The following ACACA variants were observed in gnomAD, a reference collection of about 807,000 sequenced individuals.
The protein encoded by ACACA is acetyl-CoA carboxylase alpha, also known as acetyl-CoA carboxylase 1.
Under a neutral mutation model 296.1 loss-of-function variants are expected in ACACA, and 103 were observed. The ratio of observed to expected loss-of-function variants is 0.35; its 90% confidence interval spans 0.30 to 0.41. The LOEUF (loss-of-function observed/expected upper bound fraction) is 0.41. ACACA is among the 10% of genes least tolerant of loss of function. The pLI, the probability that ACACA is intolerant of heterozygous loss-of-function variation, is 1.00. For missense variants in ACACA, 1,554 were observed against 2,989.7 expected (o/e 0.52, Z 11.20); for synonymous variants, 953 against 1,038.6 (o/e 0.92, Z 1.58).
Position 37,111,527 on chromosome 17 carries a change from A to G in ACACA, c.6565+4T>C, listed in dbSNP as rs2073971450. On this transcript the variant is annotated splice_donor_region_variant and intron_variant, in intron 52 of 55. Coordinates refer to ENST00000616317, the MANE Select transcript of ACACA (RefSeq NM_198834.3). ...TGATTTGCCAGAAGGACAAGCAGACATACCCAATCGCTCAGCCAAGTGGAT... is the reference window on the plus strand; with the variant it reads ...TGATTTGCCAGAAGGACAAGCAGACGTACCCAATCGCTCAGCCAAGTGGAT... 1 of 1,609,290 alleles carries G rather than the reference A, an allele frequency of 6.2e-7. No individual in the cohort carries two copies. Among genetic ancestry groups the G allele is most frequent in the Non-Finnish European group, 8.5e-7 (1 of 1,175,672 alleles).
chr17:37,107,715 G>A (rs368939960), intron 52 of ACACA, among the ~76,000 whole-genome samples: 3 of 152,366 alleles, frequency 2.0e-5, no homozygotes, highest in South Asian at 2.1e-4. Flanking sequence ...TCCCCTAAGC[G>A]GCTCCTTTGC....
At chr17:37,265,594 C>G (rs2081727523) in intron 10 of ACACA, among the ~76,000 whole-genome samples, 1 of 152,174 alleles carries the variant, frequency 6.6e-6, no homozygotes. Context: ...AATGAGACTG[C>G]TGTTCAAAGA....
chr17:37,280,763 C>A (rs910215029), intron 5 of ACACA, among the ~76,000 whole-genome samples: 9 of 94,982 alleles, frequency 9.5e-5, no homozygotes, highest in African/African-American at 3.9e-4. Flanking sequence ...ACACACACAC[C>A]CCAAAAAACA....
In ACACA at chr17:37,248,097, T is replaced by C; in HGVS notation, c.2223A>G (p.Val741=). Residue 741 remains valine, a synonymous_variant, in exon 18 of 56, where the codon GTA becomes GTG. Transcript: ENST00000616317. ...CACCGTCACTCAGCCGATGTACATC[T>C]ACTTCTACACATGAGCCATTCATGA... is the stretch of plus-strand genomic sequence containing the variant. ...VVIMNGSCVE[V]DVHRLSDGGL... 1 of 1,614,208 alleles carries C rather than the reference T, an allele frequency of 6.2e-7. No homozygotes were observed. The highest frequency in any genetic ancestry group is 8.5e-7 in the Non-Finnish European group (1 of 1,180,030).
At chr17:37,201,975 AAAT>A (rs1268895211) in intron 33 of ACACA, among the ~76,000 whole-genome samples, 1 of 152,360 alleles carries the variant, frequency 6.6e-6, no homozygotes, top group East Asian at 1.9e-4. Context: ...GCAAATAATA[AAAT>A]AATAAATTAT....
At chr17:37,381,434 C>A (rs1172659765) in intron 1 of ACACA, among the ~76,000 whole-genome samples, 1 of 151,920 alleles carries the variant, frequency 6.6e-6, no homozygotes, top group African/African-American at 2.4e-5. Context: ...GTTTCACCCA[C>A]CTCAGCCTCC....
rs192732549 is a variant in ACACA, at chr17:37,355,749, T to A, written c.39-15899A>T. ...GGCACATGCCTGTAATCCCAGCTAC[T>A]CGAGGGGCTGAGGCAGGAGAATCGC... On this transcript the variant is annotated intron_variant, in intron 1 of 55. Transcript: ENST00000616317. 2.8e-3 allele frequency among the ~76,000 whole-genome samples: 419 copies of A among 147,304 alleles called. 5 individuals carry two copies. Among genetic ancestry groups the A allele is most frequent in the Admixed American group, 0.02 (291 of 14,876 alleles).
chr17:37,355,724 G>A (rs1259924528), intron 1 of ACACA, among the ~76,000 whole-genome samples: 1 of 151,912 alleles, frequency 6.6e-6, no homozygotes, highest in East Asian at 1.9e-4. Context: ...CAGGCGTGGT[G>A]GCACATGCCT....
intron 52 of ACACA, among the ~76,000 whole-genome samples, chr17:37,105,826 T>C (rs2073649573): frequency 1.3e-5 from 2 of 148,956 alleles, no homozygotes; most frequent in South Asian, 4.2e-4. Flanking sequence ...ATCGTGCCAT[T>C]GCACTCCAGC....
At chr17:37,395,259 T>C (rs1053269349) in intron 1 of ACACA, among the ~76,000 whole-genome samples, 5 of 151,752 alleles carry the variant, frequency 3.3e-5, no homozygotes, top group Admixed American at 1.3e-4. Context: ...TGAAACACCA[T>C]CTTTACTAAA....
chr17:37,372,876 AT>A (rs57452316), intron 1 of ACACA, among the ~76,000 whole-genome samples: 449 of 143,370 alleles, frequency 3.1e-3, no homozygotes, highest in Middle Eastern at 7.1e-3. Flanking sequence ...CTACACTTGG[AT>A]TTTTTTTTTT....
chr17:37,242,065 A>G lies in ACACA; in HGVS notation c.2932-12T>C. ...AGGATGTTTGCAATCTAAGGTATAAAAAAGGGAAAAAAATGAGGCCCAACC... is the reference window on the plus strand; with the variant it reads ...AGGATGTTTGCAATCTAAGGTATAAGAAAGGGAAAAAAATGAGGCCCAACC... On this transcript the variant is annotated splice_polypyrimidine_tract_variant and intron_variant, in intron 22 of 55. Coordinates refer to ENST00000616317, the MANE Select transcript of ACACA (RefSeq NM_198834.3). The G allele has an allele frequency of 2.5e-6, 4 of 1,610,844 alleles. No individual in the cohort carries two copies. Among genetic ancestry groups the G allele is most frequent in the South Asian group, 1.1e-5 (1 of 90,996 alleles).
chr17:37,318,181 C>T (rs1272897280), intron 3 of ACACA, among the ~76,000 whole-genome samples: 2 of 152,142 alleles, frequency 1.3e-5, no homozygotes, highest in South Asian at 2.1e-4. Context: ...CATGTCAAAG[C>T]TTGATAGTGA....
At chr17:37,402,408 GGGCAGTGATGATAAA>G (rs2051322421) in intron 1 of ACACA, among the ~76,000 whole-genome samples, 1 of 152,120 alleles carries the variant, frequency 6.6e-6, no homozygotes, top group Admixed American at 6.6e-5. Context: ...GTCTAAGATA[GGGCAGTGATGATAAA>G]GATATAGGAA....
At chr17:37,101,918 C>T (rs940689178) in intron 52 of ACACA, among the ~76,000 whole-genome samples, 1 of 152,178 alleles carries the variant, frequency 6.6e-6, no homozygotes, top group Non-Finnish European at 1.5e-5. Flanking sequence ...CCATATCTAA[C>T]ACACCATTTA....
chr17:37,321,664 C>T (rs1448900105), intron 3 of ACACA, among the ~76,000 whole-genome samples: 3 of 152,198 alleles, frequency 2.0e-5, no homozygotes, highest in South Asian at 2.1e-4. Flanking sequence ...AGGAGAATGG[C>T]GTGAACCCAG....
intron 54 of ACACA, among the ~76,000 whole-genome samples, chr17:37,093,548 G>A (rs1030625064): frequency 9.2e-5 from 14 of 152,002 alleles, no homozygotes; most frequent in Non-Finnish European, 2.1e-4. Context: ...CCCAGGCTGG[G>A]GTGCAGTGGC....
intron 41 of ACACA, among the ~76,000 whole-genome samples, chr17:37,162,378 C>T (rs1281298169): frequency 6.6e-6 from 1 of 152,136 alleles, no homozygotes; most frequent in Non-Finnish European, 1.5e-5. Flanking sequence ...CTAGATATCT[C>T]ATTTTACTGC....
At chr17:37,155,867 T>A (rs1003552486) in intron 42 of ACACA, 87 bp from the exon 43 acceptor site, 7 of 907,922 alleles carry the variant, frequency 7.7e-6, no homozygotes, top group Non-Finnish European at 1.3e-5. Context: ...TGAAGCTTGT[T>A]CCACAGCTAG....
Sources: gnomAD v4.1 joint callset for allele counts (sites outside exome capture counted in the v4.1 genomes callset) on GRCh38, gnomAD v4.1.1 for gene constraint, MANE v1.5 for transcripts, NCBI Gene and HGNC (gene_info 2026-07-23, HGNC 2026-07-21) for gene names.